The following ZNF683 variants were observed in gnomAD, a reference collection of about 807,000 sequenced individuals.
The protein encoded by ZNF683 is zinc finger protein 683.
A neutral mutation model predicts 31.4 loss-of-function variants in ZNF683; 20 were observed. The observed-to-expected ratio is 0.64, with a 90% CI of 0.45 to 0.93. The LOEUF is 0.93. Among genes scored for constraint, ZNF683 ranks in the 40% least tolerant of loss-of-function variants. The probability of loss-of-function intolerance (pLI) is 0.00; values close to 1 mark genes in which losing one functional copy is unlikely to be tolerated. For missense variants in ZNF683, 621 were observed against 637.2 expected (o/e 0.97, Z 0.27); for synonymous variants, 264 against 267.6 (o/e 0.99, Z 0.13).
In ZNF683 at chr1:26,365,087, A is replaced by G. The variant is rs2074488412; in HGVS notation, c.459T>C (p.His153=). Residue 153 remains histidine (H), a synonymous_variant, in exon 4 of 6, where the codon CAT becomes CAC. Transcript: ENST00000349618. ...GCAGCGGTGGTGGGGAAGAGCTGTT[A>G]TGAGAGGAGAAGGCTGGGCAGGGGG... is the stretch of plus-strand genomic sequence containing the variant. ...EGAPCPAFSS[H]NSSSPPPLQN... 2.5e-6 allele frequency: 4 copies of G among 1,607,564 alleles called. No homozygotes were observed. Among genetic ancestry groups the G allele is most frequent in the Non-Finnish European group, 3.4e-6 (4 of 1,176,956 alleles).
chr1:26,368,413 T>G (rs763737178), intron 2 of ZNF683, 45 bp downstream of exon 2: 2 of 1,508,000 alleles, frequency 1.3e-6, no homozygotes, highest in Admixed American at 4.7e-5. Context: ...CACCTCCTAC[T>G]ATAAGCAGAC....
At chr1:26,370,610 G>A in intron 1 of ZNF683, 1 of 973,420 alleles carries the variant, frequency 1.0e-6, no homozygotes, top group Non-Finnish European at 1.2e-6. Flanking sequence ...TCCCAACGCT[G>A]CTTCAGGTCT....
rs779591144 is a variant in ZNF683, at chr1:26,361,755, T to G, written c.1411A>C (p.Ile471Leu). 5.6e-6 allele frequency: 9 copies of G among 1,614,060 alleles called. No homozygotes were observed. Among genetic ancestry groups the G allele is most frequent in the Middle Eastern group, 1.6e-4 (1 of 6,062 alleles). Reference protein sequence around the residue: ...VASEKHMGYDIDEVKVSSTSQ... With the variant: ...VASEKHMGYDLDEVKVSSTSQ... ...GTCGAGGACACTTTGACCTCATCTA[T>G]GTCATAGCCCATGTGTTTCTCAGAT... Residue 471 changes from isoleucine to leucine, a missense_variant, in exon 6 of 6, where the codon ATA becomes CTA. Coordinates refer to ENST00000349618, the MANE Select transcript of ZNF683 (RefSeq NM_001114759.3).
intron 1 of ZNF683, chr1:26,370,669 C>T: frequency 1.0e-6 from 1 of 985,738 alleles, no homozygotes. Flanking sequence ...GTGGGGCTCT[C>T]CACTCGGTGC....
intron 1 of ZNF683, among the ~76,000 whole-genome samples, chr1:26,371,337 C>T (rs796388784): frequency 7.9e-5 from 12 of 152,192 alleles, no homozygotes; most frequent in African/African-American, 2.9e-4. Flanking sequence ...AAGTGGCTCA[C>T]ATCTGTAATC....
chr1:26,374,390 T>C, upstream of ZNF683: 1 of 1,262,980 alleles, frequency 7.9e-7, no homozygotes, highest in Non-Finnish European at 1.0e-6. Flanking sequence ...GGAAATGGCC[T>C]TGGAGATTTC....
intron 1 of ZNF683, among the ~76,000 whole-genome samples, chr1:26,371,621 C>T (rs1370896802): frequency 7.5e-6 from 1 of 132,800 alleles, no homozygotes; most frequent in Non-Finnish European, 1.6e-5. Flanking sequence ...AAAAAATAGA[C>T]ATAGCAAAAT....
At chr1:26,367,393 T>C (rs1347547737) in intron 3 of ZNF683, among the ~76,000 whole-genome samples, 200 bp downstream of exon 3, 1 of 152,188 alleles carries the variant, frequency 6.6e-6, no homozygotes, top group African/African-American at 2.4e-5. Flanking sequence ...CCAGCTTCTC[T>C]GGCTTAGGTA....
At chr1:26,370,064 AGAG>A (rs2074633333) in intron 1 of ZNF683, among the ~76,000 whole-genome samples, 1 of 152,230 alleles carries the variant, frequency 6.6e-6, no homozygotes, top group Admixed American at 6.5e-5. Flanking sequence ...AGCTCTCCTG[AGAG>A]GAGAGGAAGG....
Position 26,361,747 on chromosome 1 carries a change from C to A in ZNF683, c.1419G>T (p.Glu473Asp). Residue 473 changes from glutamate (E) to aspartate (D), a missense_variant, in exon 6 of 6, where the codon GAG (glutamate) becomes GAT (aspartate). By Grantham distance (45) the Glu-to-Asp change is conservative. Coordinates refer to ENST00000349618, the MANE Select transcript of ZNF683 (RefSeq NM_001114759.3). ...SEKHMGYDID[E>D]VKVSSTSQGK... is the part of the protein sequence containing the mutation. ...CCTGGGATGTCGAGGACACTTTGAC[C>A]TCATCTATGTCATAGCCCATGTGTT... is the stretch of plus-strand genomic sequence containing the variant. The A allele has an allele frequency of 6.2e-7, 1 of 1,614,068 alleles. No individual in the cohort carries two copies. The highest frequency in any genetic ancestry group is 8.5e-7 in the Non-Finnish European group (1 of 1,179,906).
chr1:26,372,252 T>C (rs2074686830), intron 1 of ZNF683, among the ~76,000 whole-genome samples: 1 of 152,160 alleles, frequency 6.6e-6, no homozygotes. Flanking sequence ...CTGTGACTCA[T>C]CCTCCACATA....
rs779858666 is a variant in ZNF683, at chr1:26,365,121, C to A, written c.425G>T (p.Gly142Val). ...GAAGGCTGGGCAGGGGGCCCCCTCG[C>A]CAGCTCTTTCTGGCTGTTTTCCCAG... is the stretch of plus-strand genomic sequence containing the variant. Reference protein sequence around the residue: ...DKLGKQPERAGEGAPCPAFSS... With the variant: ...DKLGKQPERAVEGAPCPAFSS... Residue 142 changes from glycine (G) to valine (V), a missense_variant, in exon 4 of 6, where the codon GGC (glycine) becomes GTC (valine). Physicochemically the swap from Gly to Val is moderately radical, Grantham distance 109. Transcript: ENST00000349618. 1 of 1,607,624 alleles carries A rather than the reference C, an allele frequency of 6.2e-7. No individual in the cohort carries two copies. Among genetic ancestry groups the A allele is most frequent in the South Asian group, 1.1e-5 (1 of 90,024 alleles).
chr1:26,370,132 T>A (rs1483396637), intron 1 of ZNF683, among the ~76,000 whole-genome samples: 1 of 143,842 alleles, frequency 7.0e-6, no homozygotes, highest in Non-Finnish European at 1.5e-5. Context: ...ACATTCCAGA[T>A]TCCTCAGGGC....
chr1:26,363,846 G>A (rs150887325), intron 4 of ZNF683, among the ~76,000 whole-genome samples: 78 of 152,236 alleles, frequency 5.1e-4, no homozygotes, highest in African/African-American at 1.9e-3. Context: ...AGCTCTCCAG[G>A]TGGTCTGAGG....
intron 1 of ZNF683, chr1:26,372,413 T>C: frequency 1.7e-6 from 2 of 1,196,026 alleles, no homozygotes; most frequent in Non-Finnish European, 2.2e-6. Flanking sequence ...AAAAGGTACC[T>C]CCCATTATAA....
chr1:26,368,730 G>A, intron 1 of ZNF683, 145 bp from the exon 2 acceptor site: 1 of 898,850 alleles, frequency 1.1e-6, no homozygotes, highest in African/African-American at 1.7e-5. Flanking sequence ...TCCGCAAAAT[G>A]GGAAGGTTGG....
Position 26,364,763 on chromosome 1 carries a change from T to A in ZNF683, c.783A>T (p.Gln261His). The A allele has an allele frequency of 1.2e-6, 2 of 1,612,490 alleles. No individual in the cohort carries two copies. The highest frequency in any genetic ancestry group is 1.7e-6 in the Non-Finnish European group (2 of 1,179,048). ...GGGAAGGCAGAGCTTGGCCAGAGGC[T>A]TGGAAGGCCCCTGGGTAGGGAAGCA... ...ETLLPYPGAFQASGQALPSQA... is the reference protein window; with the variant it reads ...ETLLPYPGAFHASGQALPSQA... Residue 261 changes from glutamine to histidine, a missense_variant, in exon 4 of 6, where the codon CAA becomes CAT. Coordinates refer to ENST00000349618, the MANE Select transcript of ZNF683 (RefSeq NM_001114759.3).
chr1:26,372,110 G>A lies in ZNF683; in HGVS notation c.-15+559C>T, dbSNP rs144820149. Among the ~76,000 whole-genome samples the A allele has an allele frequency of 2.6e-5, 4 of 152,208 alleles. No individual in the cohort carries two copies. The East Asian group carries it at 7.7e-4, about 29-fold the overall frequency. ...CGTGAGTCTGGCCCAGGGTGCAAAA[G>A]CCCCAACCAGCCATCAATCTGCACC... On this transcript the variant is annotated intron_variant, in intron 1 of 5. Coordinates refer to ENST00000349618, the MANE Select transcript of ZNF683 (RefSeq NM_001114759.3).
rs752747857 is a variant in ZNF683 at position 26,365,188 on chromosome 1, C to T, written c.358G>A (p.Asp120Asn). The T allele has an allele frequency of 6.2e-7, 1 of 1,608,880 alleles. No individual in the cohort carries two copies. The highest frequency in any genetic ancestry group is 8.5e-7 in the Non-Finnish European group (1 of 1,177,880). ...PPGLQASSTD[D>N]KKFTVKYPQN... ...GGGTACTTGACTGTGAATTTCTTGT[C>T]ATCGGTGGAGCTGGCCTGCAGCCCT... Residue 120 changes from aspartate to asparagine, a missense_variant, in exon 4 of 6, where the codon GAC becomes AAC. Physicochemically the swap from Asp to Asn is conservative, Grantham distance 23. Coordinates refer to ENST00000349618, the MANE Select transcript of ZNF683 (RefSeq NM_001114759.3).
Sources: allele counts gnomAD v4.1 joint callset (sites outside exome capture counted in the v4.1 genomes callset), GRCh38; gene constraint gnomAD v4.1.1; transcripts MANE v1.5; gene names NCBI Gene and HGNC (gene_info 2026-07-23, HGNC 2026-07-21).